The following NXPE3 variants were observed in gnomAD, a reference collection of about 807,000 sequenced individuals.
NXPE3 encodes NXPE family member 3.
Under a neutral mutation model 46.1 loss-of-function variants are expected in NXPE3, and 26 were observed. The ratio of observed to expected loss-of-function variants is 0.56; its 90% confidence interval spans 0.41 to 0.78. NXPE3 has a LOEUF of 0.78. Ranked by LOEUF, NXPE3 falls within the 30% of genes least tolerant of loss-of-function variation. The pLI, the probability that NXPE3 is intolerant of heterozygous loss-of-function variation, is 0.00. For missense variants in NXPE3, 620 were observed against 686.0 expected, an observed-to-expected ratio of 0.90 and a Z score of 1.07; for synonymous variants, 272 against 257.9, an observed-to-expected ratio of 1.05 and a Z score of -0.52.
rs781375054 is a variant in NXPE3, at chr3:101,826,190, T to C, written c.*4236T>C. The C allele has an allele frequency of 6.6e-6, 1 of 152,198 alleles. No homozygotes were observed. The highest frequency in any genetic ancestry group is 6.5e-5 in the Admixed American group (1 of 15,278). The allele number at this position is 152,198 out of a possible 1,614,324, so 9.4% of individuals were successfully genotyped here. ...TCAGGGTACTTGACAAGAATAAATATGGTACGCCTTTATATATTCATGTGT... is the reference window on the plus strand; with the variant it reads ...TCAGGGTACTTGACAAGAATAAATACGGTACGCCTTTATATATTCATGTGT... On this transcript the variant is annotated 3_prime_UTR_variant, in exon 8 of 8. Transcript: ENST00000273347.
intron 7 of NXPE3, among the ~76,000 whole-genome samples, chr3:101,820,832 T>C (rs570024073): frequency 9.8e-5 from 15 of 152,322 alleles, no homozygotes; most frequent in South Asian, 8.3e-4. Flanking sequence ...TAAGAACTTA[T>C]GAACACACAG....
Position 101,827,001 on chromosome 3 carries a change from C to G in NXPE3, c.*5047C>G, listed in dbSNP as rs1395670971. The G allele has an allele frequency of 6.6e-6, 1 of 152,260 alleles. No homozygotes were observed. Among genetic ancestry groups the G allele is most frequent in the Non-Finnish European group, 1.5e-5 (1 of 68,146 alleles). 9.4% of individuals were successfully genotyped at this position (152,260 alleles called of 1,614,324 possible). On this transcript the variant is annotated 3_prime_UTR_variant, in exon 8 of 8. Coordinates refer to ENST00000273347, the MANE Select transcript of NXPE3 (RefSeq NM_145037.4). Reference sequence around the variant, plus strand: ...TGAGCCGAGATCATGCCATTGCACTCTAGCCTGGGCAACGAGAGTGAAACT... The same window carrying G: ...TGAGCCGAGATCATGCCATTGCACTGTAGCCTGGGCAACGAGAGTGAAACT...
At chr3:101,808,720 C>CT (rs1353381356) in intron 6 of NXPE3, among the ~76,000 whole-genome samples, 7 of 149,926 alleles carry the variant, frequency 4.7e-5, no homozygotes, top group Non-Finnish European at 8.9e-5. Context: ...GTTTATATCT[C>CT]TTGTCTCTAG....
intron 4 of NXPE3, among the ~76,000 whole-genome samples, chr3:101,797,146 A>G (rs1940876277): frequency 6.6e-6 from 1 of 152,206 alleles, no homozygotes; most frequent in Non-Finnish European, 1.5e-5. Context: ...GGAGAATGGT[A>G]TTAAGTACAC....
chr3:101,797,771 T>C (rs1164997891), intron 4 of NXPE3, among the ~76,000 whole-genome samples: 1 of 38,190 alleles, frequency 2.6e-5, no homozygotes, highest in Non-Finnish European at 5.1e-5. Context: ...TTTTTATGGC[T>C]GCATAGTATT....
At chr3:101,780,286 A>AT (rs935288433) in intron 1 of NXPE3, among the ~76,000 whole-genome samples, 5 of 151,036 alleles carry the variant, frequency 3.3e-5, no homozygotes, top group Non-Finnish European at 5.9e-5. Flanking sequence ...TTTGTTTAGT[A>AT]TTTTTTTTTC....
intron 4 of NXPE3, among the ~76,000 whole-genome samples, 196 bp downstream of exon 4, chr3:101,785,885 T>G (rs1940146579): frequency 6.6e-6 from 1 of 152,200 alleles, no homozygotes; most frequent in Non-Finnish European, 1.5e-5. Flanking sequence ...AGACATTTCT[T>G]CACTTACAGG....
At chr3:101,820,060 G>GTTGT (rs1248870696) in intron 7 of NXPE3, among the ~76,000 whole-genome samples, 2 of 152,252 alleles carry the variant, frequency 1.3e-5, no homozygotes, top group African/African-American at 4.8e-5. Context: ...TTTCATCCAT[G>GTTGT]TTGTTACAAA....
At chr3:101,807,251 T>C in intron 6 of NXPE3, 125 bp downstream of exon 6, 1 of 659,898 alleles carries the variant, frequency 1.5e-6, no homozygotes, top group East Asian at 2.7e-5. Flanking sequence ...TTGAAAATAT[T>C]AAAAGTACTG....
intron 7 of NXPE3, 23 bp downstream of exon 7, chr3:101,817,024 C>A: frequency 6.3e-7 from 1 of 1,597,294 alleles, no homozygotes; most frequent in South Asian, 1.1e-5. Flanking sequence ...CCTTTTGTTT[C>A]GTAACTCTTT....
rs78447355 is a variant in NXPE3 at position 101,790,904 on chromosome 3, T to C, written c.93+5215T>C. 3.9e-4 allele frequency among the ~76,000 whole-genome samples: 59 copies of C among 152,342 alleles called. No individual in the cohort carries two copies. In the East Asian group the frequency reaches 0.01, roughly 27 times the overall value. On this transcript the variant is annotated intron_variant, in intron 4 of 7. Transcript: ENST00000273347. Reference sequence around the variant, plus strand: ...AGTCACCACACCCAGCCAGTTATTATTTTTTAAACCTACTTGTGTTTTTAT... The same window carrying C: ...AGTCACCACACCCAGCCAGTTATTACTTTTTAAACCTACTTGTGTTTTTAT...
chr3:101,797,052 A>T (rs1469576157), intron 4 of NXPE3, among the ~76,000 whole-genome samples: 1 of 152,158 alleles, frequency 6.6e-6, no homozygotes, highest in African/African-American at 2.4e-5. Flanking sequence ...CAGGTTAGGT[A>T]TATAACTTTT....
chr3:101,785,997 G>A (rs1044037009), intron 4 of NXPE3, among the ~76,000 whole-genome samples: 11 of 152,098 alleles, frequency 7.2e-5, no homozygotes, highest in Admixed American at 7.2e-4. Flanking sequence ...TGTGAAAAGT[G>A]CAAAAAGGAA....
Position 101,803,712 on chromosome 3 carries a change from C to T in NXPE3, c.848+1723C>T, listed in dbSNP as rs537555321. 4.6e-5 allele frequency among the ~76,000 whole-genome samples: 7 copies of T among 152,264 alleles called. No individual in the cohort carries two copies. The South Asian group carries it at 6.2e-4, about 14-fold the overall frequency. ...GCAGCTTGCTGCAGCCTCAACGTCC[C>T]GGGTTCGACGGATTCTCCCACCTCA... On this transcript the variant is annotated intron_variant, in intron 5 of 7. Coordinates refer to ENST00000273347, the MANE Select transcript of NXPE3 (RefSeq NM_145037.4).
At chr3:101,791,771 TG>T (rs1940532283) in intron 4 of NXPE3, among the ~76,000 whole-genome samples, 1 of 152,208 alleles carries the variant, frequency 6.6e-6, no homozygotes, top group Non-Finnish European at 1.5e-5. Flanking sequence ...TGTGTCTTTA[TG>T]GTAGAATGAC....
At chr3:101,800,041 T>A (rs1941052242) in intron 4 of NXPE3, among the ~76,000 whole-genome samples, 2 of 152,156 alleles carry the variant, frequency 1.3e-5, no homozygotes, top group South Asian at 4.1e-4. Flanking sequence ...CTTTATTGAT[T>A]TCCTGTTTTC....
chr3:101,801,953 G>A lies in NXPE3; in HGVS notation c.812G>A (p.Gly271Asp), dbSNP rs1941183438. 3 of 1,613,150 alleles carry A rather than the reference G, an allele frequency of 1.9e-6. No individual in the cohort carries two copies. Among genetic ancestry groups the A allele is most frequent in the African/African-American group, 1.3e-5 (1 of 74,900 alleles). The change falls in exon 5 of 8, where the codon GGT becomes GAT. Residue 271 changes from glycine to aspartate, a missense_variant. Around this residue, in one of 3 missense-constraint regions of NXPE3, gnomAD observed 511 missense variants for 528.6 expected, o/e 0.97. Transcript: ENST00000273347. ...ITHFKGGYLK[G>D]LLTAAESAFF... ...CATTTCAAAGGTGGATACCTGAAAG[G>A]TCTCCTAACCGCTGCAGAGAGTGCT...
chr3:101,787,982 T>C (rs1359489031), intron 4 of NXPE3, among the ~76,000 whole-genome samples: 2 of 152,236 alleles, frequency 1.3e-5, no homozygotes, highest in African/African-American at 4.8e-5. Context: ...TTTTCCATAA[T>C]AGCTGCATCA....
chr3:101,813,482 T>G (rs1941818253), intron 6 of NXPE3, among the ~76,000 whole-genome samples: 1 of 152,168 alleles, frequency 6.6e-6, no homozygotes, highest in Non-Finnish European at 1.5e-5. Flanking sequence ...CAGCCCTCAT[T>G]ATGGCTAATG....
Sources: allele counts gnomAD v4.1 joint callset (sites outside exome capture counted in the v4.1 genomes callset), GRCh38; gene constraint gnomAD v4.1.1; regional missense constraint gnomAD v4.1.1; transcripts MANE v1.5; gene names NCBI Gene and HGNC (gene_info 2026-07-23, HGNC 2026-07-21).